TBC1D22A: variants seen among roughly 807,000 people sequenced by gnomAD.
TBC1D22A encodes the protein TBC1 domain family member 22A, also known as putative GTPase activator.
In TBC1D22A, 38 loss-of-function variants were observed where a neutral mutation model predicts 60.2. The ratio of observed to expected loss-of-function variants is 0.63; its 90% CI spans 0.49 to 0.83. TBC1D22A has a LOEUF of 0.83. Ranked by LOEUF, TBC1D22A falls within the 40% of genes least tolerant of loss-of-function variation. TBC1D22A has a pLI of 0.00. For synonymous variants in TBC1D22A, 302 were observed against 281.7 expected, an observed-to-expected ratio of 1.07 and a Z score of -0.72; for missense variants, 628 against 701.0, an observed-to-expected ratio of 0.90 and a Z score of 1.18.
At chr22:47,127,168 T>C (rs1232000971) in intron 12 of TBC1D22A, among the ~76,000 whole-genome samples, 2 of 152,084 alleles carry the variant, frequency 1.3e-5, no homozygotes, top group African/African-American at 2.4e-5. Flanking sequence ...AGAAAACTAC[T>C]CCTTGCCCCA....
chr22:46,878,408 G>A (rs1168006516), intron 4 of TBC1D22A, among the ~76,000 whole-genome samples: 4 of 131,282 alleles, frequency 3.0e-5, no homozygotes, highest in South Asian at 2.4e-4. Flanking sequence ...GGGGCCTCAC[G>A]TGTTCCAGGG....
intron 8 of TBC1D22A, among the ~76,000 whole-genome samples, chr22:46,922,652 C>G (rs1218846220): frequency 6.6e-6 from 1 of 152,048 alleles, no homozygotes; most frequent in Non-Finnish European, 1.5e-5. Flanking sequence ...TATATGTTAC[C>G]TGGTTAGCTG....
chr22:47,104,861 A>G (rs912745634), intron 11 of TBC1D22A, among the ~76,000 whole-genome samples: 2 of 152,200 alleles, frequency 1.3e-5, no homozygotes, highest in African/African-American at 2.4e-5. Context: ...CCAGTTGTCA[A>G]CTAGAACATG....
chr22:47,142,044 A>G (rs998410051), intron 12 of TBC1D22A, among the ~76,000 whole-genome samples: 2 of 152,142 alleles, frequency 1.3e-5, no homozygotes, highest in African/African-American at 4.8e-5. Context: ...AATTCTTCCC[A>G]CATCTGCCAC....
chr22:47,099,971 C>T (rs79975924), intron 11 of TBC1D22A, among the ~76,000 whole-genome samples: 193 of 152,258 alleles, frequency 1.3e-3, no homozygotes, highest in East Asian at 6.7e-3. Context: ...ACCAGAGAAA[C>T]GAGGTGGGGC....
chr22:47,132,126 C>T (rs1228116063), intron 12 of TBC1D22A, among the ~76,000 whole-genome samples: 1 of 152,168 alleles, frequency 6.6e-6, no homozygotes, highest in Non-Finnish European at 1.5e-5. Flanking sequence ...GACGCCAGAG[C>T]CCCGGACCCC....
At chr22:47,114,681 G>A (rs192156524) in intron 12 of TBC1D22A, among the ~76,000 whole-genome samples, 94 of 152,240 alleles carry the variant, frequency 6.2e-4, no homozygotes, top group African/African-American at 2.1e-3. Context: ...GTGGAAAGCG[G>A]CTTTAAAAGC....
At position 46,884,770 on chromosome 22, in the gene TBC1D22A, T is replaced by C. The variant is rs372529483; in HGVS notation, c.708+6047T>C. On this transcript the variant is annotated intron_variant, in intron 5 of 12. Transcript: ENST00000337137. ...ATGGTCAGTTTGCTGACCCCTGATC[T>C]AGATGAAATGGGTCCTAGCAGAGGA... Among the ~76,000 whole-genome samples, 124 of 152,294 alleles carry C rather than the reference T, an allele frequency of 8.1e-4. 1 individual carries two copies. Among genetic ancestry groups the C allele is most frequent in the African/African-American group, 2.8e-3 (115 of 41,568 alleles).
chr22:46,809,926 A>G (rs981556215), intron 4 of TBC1D22A, among the ~76,000 whole-genome samples: 5 of 152,212 alleles, frequency 3.3e-5, no homozygotes, highest in African/African-American at 1.2e-4. Flanking sequence ...CCATGCTGCT[A>G]TAATCTTCAT....
At chr22:46,763,569 C>A (rs1296802924) in intron 1 of TBC1D22A, among the ~76,000 whole-genome samples, 1 of 151,918 alleles carries the variant, frequency 6.6e-6, no homozygotes, top group Non-Finnish European at 1.5e-5. Context: ...AGGATAAAAT[C>A]AGCCACTGGT....
At position 46,952,996 on chromosome 22, in the gene TBC1D22A, A is replaced by G. The variant is rs559219958; in HGVS notation, c.1016-21294A>G. 4.6e-5 allele frequency among the ~76,000 whole-genome samples: 7 copies of G among 152,250 alleles called. No homozygotes were observed. The South Asian group carries it at 1.5e-3, about 32-fold the overall frequency. On this transcript the variant is annotated intron_variant, in intron 8 of 12. Coordinates refer to ENST00000337137, the MANE Select transcript of TBC1D22A (RefSeq NM_014346.5). Reference sequence around the variant, plus strand: ...GACCACCTGGTGAAGTGTTTGCTGTAAAGTCACTCTTTTTTCCTTGCTTCC... The same window carrying G: ...GACCACCTGGTGAAGTGTTTGCTGTGAAGTCACTCTTTTTTCCTTGCTTCC...
At position 46,997,651 on chromosome 22, in the gene TBC1D22A, C is replaced by T; in HGVS notation, c.1143C>T (p.Ala381=). Residue 381 remains alanine (A), a synonymous_variant, in exon 10 of 13, where the codon GCC becomes GCT. Transcript: ENST00000337137. ...TTCCTTAGGACAACTACACCTTTGC[C>T]CAACCTGGGATTCAAATGAAAGTGA... ...LDGIQDNYTF[A]QPGIQMKVKM... 1 of 1,613,910 alleles carries T rather than the reference C, an allele frequency of 6.2e-7. No homozygotes were observed. Among genetic ancestry groups the T allele is most frequent in the Non-Finnish European group, 8.5e-7 (1 of 1,179,938 alleles).
At chr22:47,160,989 A>G (rs539447814) in intron 12 of TBC1D22A, among the ~76,000 whole-genome samples, 25 of 152,238 alleles carry the variant, frequency 1.6e-4, no homozygotes, top group African/African-American at 6.0e-4. Flanking sequence ...TCTCAGTTCT[A>G]GAAAAACTGA....
intron 8 of TBC1D22A, among the ~76,000 whole-genome samples, chr22:46,967,416 A>T (rs756049155): frequency 1.4e-4 from 22 of 152,236 alleles, no homozygotes; most frequent in Non-Finnish European, 3.2e-4. Flanking sequence ...AAAAGATTAG[A>T]TCCATAGAGC....
At chr22:46,894,674 G>T (rs2068577232) in intron 6 of TBC1D22A, 110 bp from the exon 7 acceptor site, 2 of 1,257,376 alleles carry the variant, frequency 1.6e-6, no homozygotes, top group Admixed American at 1.7e-5. Flanking sequence ...AGGAGAGAGC[G>T]GGGTAGAGGC....
chr22:46,852,053 G>A (rs60202205), intron 4 of TBC1D22A, among the ~76,000 whole-genome samples: 1 of 152,182 alleles, frequency 6.6e-6, no homozygotes. Context: ...CTGTGGTGGG[G>A]CTCAGGGGCG....
intron 5 of TBC1D22A, among the ~76,000 whole-genome samples, chr22:46,887,498 T>C (rs1310798534): frequency 2.0e-5 from 3 of 152,194 alleles, no homozygotes; most frequent in African/African-American, 7.2e-5. Flanking sequence ...GCTTCAAGAA[T>C]CTTTAAAGCA....
chr22:46,765,957 ATGTGTGTGTGTGTGTGTG>A (rs747869318), intron 1 of TBC1D22A, among the ~76,000 whole-genome samples: 46 of 128,656 alleles, frequency 3.6e-4, no homozygotes, highest in East Asian at 1.7e-3. Context: ...CAGCTAATTT[ATGTGTGTGTGTGTGTGTG>A]TGTGTGTGTG....
chr22:46,828,396 C>T (rs1157260047), intron 4 of TBC1D22A, among the ~76,000 whole-genome samples: 1 of 152,232 alleles, frequency 6.6e-6, no homozygotes, highest in Non-Finnish European at 1.5e-5. Context: ...AACAACATGT[C>T]CACTTGAAGA....
Sources: allele counts gnomAD v4.1 joint callset (sites outside exome capture counted in the v4.1 genomes callset), GRCh38; gene constraint gnomAD v4.1.1; transcripts MANE v1.5; gene names NCBI Gene and HGNC (gene_info 2026-07-23, HGNC 2026-07-21).